Variants in EPB41L4A observed in about 807,000 individuals in gnomAD.
EPB41L4A encodes band 4.1-like protein 4A.
EPB41L4A carries 100 observed loss-of-function variants against 108.6 expected under a neutral mutation model. That is an observed-to-expected ratio of 0.92 (90% CI 0.78 to 1.09). The LOEUF (loss-of-function observed/expected upper bound fraction) is 1.09, where lower values mean the gene tolerates loss of function less well. Ranked by LOEUF, EPB41L4A falls within the 50% of genes least tolerant of loss-of-function variation. The pLI, the probability that EPB41L4A is intolerant of heterozygous loss-of-function variation, is 0.00. For missense variants in EPB41L4A, 1,030 were observed against 842.7 expected (o/e 1.22, Z -2.75); for synonymous variants, 319 against 289.0 (o/e 1.10, Z -1.05).
Position 112,142,538 on chromosome 5 carries a change from T to C in EPB41L4A, n.2455A>G, listed in dbSNP as rs373292887. The C allele has an allele frequency of 2.7e-4, 41 of 152,334 alleles. 3 individuals carry two copies. The East Asian group carries it at 6.7e-3, about 25-fold the overall frequency. 9.4% of individuals were successfully genotyped at this position (152,334 alleles called of 1,614,324 possible). A position where few individuals can be genotyped will look rare whatever the true frequency, so the allele number is the denominator to read the frequency against. The stretch of plus-strand genomic sequence containing the variant: ...ACTCATGGAAAGTTAATACCTTTAT[T>C]ACAACAAAGAACTTTTTTATAATAA... On this transcript the variant is annotated non_coding_transcript_exon_variant, in exon 14 of 14. Transcript: ENST00000507810.
intron 15 of EPB41L4A, among the ~76,000 whole-genome samples, chr5:112,198,458 G>C (rs936787027): frequency 6.6e-6 from 1 of 152,142 alleles, no homozygotes; most frequent in Admixed American, 6.5e-5. Flanking sequence ...TAGTTATAAT[G>C]AACCTTCGAA....
chr5:112,266,921 C>A (rs546323791), intron 4 of EPB41L4A, among the ~76,000 whole-genome samples: 1 of 152,116 alleles, frequency 6.6e-6, no homozygotes, highest in African/African-American at 2.4e-5. Flanking sequence ...TAGGTTAAGA[C>A]TTTAAAAATG....
downstream of EPB41L4A, among the ~76,000 whole-genome samples, chr5:112,160,192 G>A (rs536531102): frequency 1.5e-4 from 23 of 152,230 alleles, no homozygotes; most frequent in South Asian, 2.5e-3. Flanking sequence ...TTACAGGCAT[G>A]AGCCACCGCG....
intron 4 of EPB41L4A, among the ~76,000 whole-genome samples, chr5:112,274,481 T>C (rs915782077): frequency 6.6e-6 from 1 of 151,592 alleles, no homozygotes; most frequent in Non-Finnish European, 1.5e-5. Flanking sequence ...CAGTCCAGAA[T>C]AAAGAAAAAA....
chr5:112,226,120 T>C (rs1298202619), intron 12 of EPB41L4A, among the ~76,000 whole-genome samples: 1 of 152,216 alleles, frequency 6.6e-6, no homozygotes, highest in African/African-American at 2.4e-5. Context: ...TGCTCTCAGA[T>C]TTCTTGTAAC....
rs1386265240 is a variant in EPB41L4A at position 112,259,847 on chromosome 5, G to A, written c.731+44C>T. 2.1e-6 allele frequency: 3 copies of A among 1,455,600 alleles called. No homozygotes were observed. The Admixed American group carries it at 5.0e-5, about 24-fold the overall frequency. 90.2% of individuals were successfully genotyped at this position (1,455,600 alleles called of 1,614,324 possible). A position where few individuals can be genotyped will look rare whatever the true frequency, so the allele number is the denominator to read the frequency against. ...TTTCACTGACACAGGAGTCCCATAAGCCCAAAACATAGAATGCCAACTCTG... is the reference window on the plus strand; with the variant it reads ...TTTCACTGACACAGGAGTCCCATAAACCCAAAACATAGAATGCCAACTCTG... On this transcript the variant is annotated intron_variant, in intron 8 of 22. Coordinates refer to ENST00000261486, the MANE Select transcript of EPB41L4A (RefSeq NM_022140.5).
intron 1 of EPB41L4A, among the ~76,000 whole-genome samples, chr5:112,367,599 T>C (rs1759213480): frequency 6.6e-6 from 1 of 152,026 alleles, no homozygotes; most frequent in Admixed American, 6.6e-5. Context: ...GACAGGGAGG[T>C]GCCTTCCTTG....
intron 12 of EPB41L4A, among the ~76,000 whole-genome samples, chr5:112,222,722 G>T (rs182907288): frequency 6.6e-6 from 1 of 152,306 alleles, no homozygotes; most frequent in East Asian, 1.9e-4. Context: ...GTTGTCCCCA[G>T]ATAACTGACT....
intron 15 of EPB41L4A, among the ~76,000 whole-genome samples, chr5:112,201,766 C>G (rs1215554603): frequency 6.6e-6 from 1 of 152,100 alleles, no homozygotes; most frequent in Non-Finnish European, 1.5e-5. Flanking sequence ...TCTTGGTGTT[C>G]CCAAGGAGAA....
intron 3 of EPB41L4A, among the ~76,000 whole-genome samples, chr5:112,276,878 C>G (rs1752659798): frequency 6.6e-6 from 1 of 152,206 alleles, no homozygotes; most frequent in Admixed American, 6.5e-5. Context: ...CTCCCCTCAT[C>G]TGTGCCTTCC....
intron 1 of EPB41L4A, among the ~76,000 whole-genome samples, chr5:112,331,881 T>C (rs1314467707): frequency 6.6e-6 from 1 of 152,182 alleles, no homozygotes; most frequent in African/African-American, 2.4e-5. Flanking sequence ...GTATTAGAAC[T>C]ACCTGGGTTT....
At chr5:112,341,282 A>G (rs1318741801) in intron 1 of EPB41L4A, among the ~76,000 whole-genome samples, 1 of 152,040 alleles carries the variant, frequency 6.6e-6, no homozygotes, top group Non-Finnish European at 1.5e-5. Flanking sequence ...CCCACATATA[A>G]CTGTGTTTGA....
At chr5:112,306,806 TCCG>T (rs1754711839) in intron 2 of EPB41L4A, among the ~76,000 whole-genome samples, 1 of 149,204 alleles carries the variant, frequency 6.7e-6, no homozygotes, top group African/African-American at 2.5e-5. Flanking sequence ...AACTCTCTAC[TCCG>T]GACTGGAAGA....
intron 1 of EPB41L4A, among the ~76,000 whole-genome samples, chr5:112,355,481 G>A (rs1040973843): frequency 2.4e-4 from 36 of 152,094 alleles, no homozygotes; most frequent in Non-Finnish European, 3.1e-4. Context: ...CTTCTGGAGC[G>A]CTAAATGTGT....
rs184108624 is a variant in EPB41L4A, at chr5:112,207,349, A to G, written c.1179-1845T>C. On this transcript the variant is annotated intron_variant, in intron 13 of 22. Coordinates refer to ENST00000261486, the MANE Select transcript of EPB41L4A (RefSeq NM_022140.5). Reference sequence around the variant, plus strand: ...CATCTTAGAAGAAAACCTAGGAAATATCATTCTGGACATCAGCCTTGGTGA... The same window carrying G: ...CATCTTAGAAGAAAACCTAGGAAATGTCATTCTGGACATCAGCCTTGGTGA... Among the ~76,000 whole-genome samples the G allele has an allele frequency of 4.6e-5, 7 of 152,356 alleles. No individual in the cohort carries two copies. In the East Asian group the frequency reaches 1.3e-3, roughly 29 times the overall value.
intron 10 of EPB41L4A, 71 bp from the exon 11 acceptor site, chr5:112,239,808 T>A: frequency 2.1e-6 from 2 of 962,604 alleles, no homozygotes; most frequent in Admixed American, 2.4e-5. Flanking sequence ...CCCCTTCTCC[T>A]AACACAAACT....
intron 2 of EPB41L4A, among the ~76,000 whole-genome samples, chr5:112,289,196 G>C (rs978588795): frequency 9.2e-5 from 14 of 151,968 alleles, no homozygotes; most frequent in African/African-American, 2.4e-5. Context: ...TTATAGATAG[G>C]GCCCAGATAA....
At chr5:112,212,269 G>A (rs1413857092) in intron 12 of EPB41L4A, among the ~76,000 whole-genome samples, 1 of 151,686 alleles carries the variant, frequency 6.6e-6, no homozygotes, top group Admixed American at 6.6e-5. Flanking sequence ...TAGACAGTAG[G>A]TGTGCCCTAC....
chr5:112,286,419 T>C (rs917095032), intron 2 of EPB41L4A, among the ~76,000 whole-genome samples: 3 of 152,214 alleles, frequency 2.0e-5, no homozygotes, highest in Non-Finnish European at 4.4e-5. Flanking sequence ...CGCAGAATCC[T>C]ACATTTTATT....
Sources: allele counts gnomAD v4.1 joint callset (sites outside exome capture counted in the v4.1 genomes callset), GRCh38; gene constraint gnomAD v4.1.1; transcripts MANE v1.5; gene names NCBI Gene and HGNC (gene_info 2026-07-23, HGNC 2026-07-21).